SLC7A11: variants seen among roughly 807,000 people sequenced by gnomAD.
SLC7A11 encodes the protein solute carrier family 7 member 11, also known as cystine/glutamate transporter.
SLC7A11 carries 35 observed loss-of-function variants against 54.5 expected under a neutral mutation model. The observed-to-expected ratio is 0.64, with a 90% confidence interval of 0.49 to 0.85. The LOEUF is 0.85. Ranked by LOEUF, SLC7A11 falls within the 40% of genes least tolerant of loss-of-function variation. The probability of loss-of-function intolerance (pLI) is 0.00; values close to 1 mark genes in which losing one functional copy is unlikely to be tolerated. For synonymous variants in SLC7A11, 230 were observed against 225.2 expected (o/e 1.02, Z -0.19); for missense variants, 583 against 618.1 (o/e 0.94, Z 0.60).
intron 1 of SLC7A11, among the ~76,000 whole-genome samples, chr4:138,237,717 ATATATATATATATATATATATTTT>A (rs1274391932): frequency 4.7e-4 from 3 of 6,322 alleles, no homozygotes; most frequent in African/African-American, 1.4e-3. Flanking sequence ...ATATATATAT[ATATATATATATATATATATATTTT>A]TTTTTTTTTT....
intron 9 of SLC7A11, among the ~76,000 whole-genome samples, chr4:138,181,707 A>G (rs1186385082): frequency 6.6e-6 from 1 of 152,142 alleles, no homozygotes; most frequent in Non-Finnish European, 1.5e-5. Context: ...GGACTTTTAC[A>G]CCTCATACAG....
At chr4:138,177,484 T>C (rs977190811) in intron 11 of SLC7A11, 37 of 151,060 alleles carry the variant, frequency 2.4e-4, no homozygotes, top group African/African-American at 7.8e-4. Flanking sequence ...TCTCTCTCTC[T>C]CCGCCCCCCC....
At chr4:138,216,267 T>A (rs1258426547) in intron 5 of SLC7A11, among the ~76,000 whole-genome samples, 1 of 152,202 alleles carries the variant, frequency 6.6e-6, no homozygotes, top group Non-Finnish European at 1.5e-5. Context: ...TAGATTAGAT[T>A]TGACACAACA....
rs1345522813 is a variant in SLC7A11 at position 138,165,969 on chromosome 4, T to C, written c.*5987A>G. 2 of 152,216 alleles carry C rather than the reference T, an allele frequency of 1.3e-5. No homozygotes were observed. The highest frequency in any genetic ancestry group is 2.9e-5 in the Non-Finnish European group (2 of 68,022). 9.4% of individuals were successfully genotyped at this position (152,216 alleles called of 1,614,324 possible). ...TCTTCTTTCAGAGCAATAAGAAAGT[T>C]ATTTGGGGTAGTACTTGAAATAATT... On this transcript the variant is annotated 3_prime_UTR_variant, in exon 12 of 12. Transcript: ENST00000280612.
At chr4:138,206,097 G>T (rs997863799) in intron 6 of SLC7A11, among the ~76,000 whole-genome samples, 1 of 151,948 alleles carries the variant, frequency 6.6e-6, no homozygotes, top group African/African-American at 2.4e-5. Flanking sequence ...ATGAATTATT[G>T]CTGTGTAAAG....
intron 1 of SLC7A11, among the ~76,000 whole-genome samples, chr4:138,237,718 TA>T (rs1738252053): frequency 3.7e-4 from 3 of 8,138 alleles, no homozygotes; most frequent in Non-Finnish European, 5.1e-4. Context: ...TATATATATA[TA>T]TATATATATA....
At chr4:138,224,737 T>A (rs1737895916) in intron 3 of SLC7A11, among the ~76,000 whole-genome samples, 1 of 151,254 alleles carries the variant, frequency 6.6e-6, no homozygotes, top group Non-Finnish European at 1.5e-5. Context: ...CATGATATAT[T>A]ACTGATCAAT....
At chr4:138,232,230 G>A in intron 3 of SLC7A11, 37 bp downstream of exon 3, 1 of 1,322,934 alleles carries the variant, frequency 7.6e-7, no homozygotes, top group Non-Finnish European at 1.1e-6. Flanking sequence ...TTTTTGTGTT[G>A]TTTTTCCTTT....
intron 6 of SLC7A11, among the ~76,000 whole-genome samples, chr4:138,197,978 C>T (rs1197863258): frequency 1.3e-5 from 2 of 149,560 alleles, no homozygotes; most frequent in Non-Finnish European, 3.0e-5. Flanking sequence ...AAAGTATCAT[C>T]AATATAATAT....
At chr4:138,216,871 A>T (rs961101878) in intron 5 of SLC7A11, among the ~76,000 whole-genome samples, 3 of 152,120 alleles carry the variant, frequency 2.0e-5, no homozygotes, top group Admixed American at 2.0e-4. Flanking sequence ...ATTTACACTT[A>T]CCCACTGATA....
intron 11 of SLC7A11, chr4:138,178,303 G>C (rs1736632874): frequency 6.6e-6 from 1 of 152,082 alleles, no homozygotes; most frequent in African/African-American, 2.4e-5. Context: ...CCCTGCAAAG[G>C]ATATTAACTC....
In SLC7A11 at chr4:138,205,858, G is replaced by T. The variant is rs79541059; in HGVS notation, c.791+8727C>A. On this transcript the variant is annotated intron_variant, in intron 6 of 11. Transcript: ENST00000280612. ...GAAGGTATTTCTTTTCAGATAACAG[G>T]GTTCCAACTCTGGAATCTCTGGTGT... Among the ~76,000 whole-genome samples, 895 of 152,066 alleles carry T rather than the reference G, an allele frequency of 5.9e-3. 8 individuals carry two copies. The highest frequency in any genetic ancestry group is 0.021 in the African/African-American group (856 of 41,542).
At chr4:138,204,356 A>G (rs1323247477) in intron 6 of SLC7A11, among the ~76,000 whole-genome samples, 1 of 152,080 alleles carries the variant, frequency 6.6e-6, no homozygotes, top group Non-Finnish European at 1.5e-5. Flanking sequence ...TGCTACTTTT[A>G]CGCTGCAATC....
chr4:138,206,996 C>G (rs114111056), intron 6 of SLC7A11, among the ~76,000 whole-genome samples: 2,878 of 113,648 alleles, frequency 0.025, 60 homozygotes, highest in East Asian at 0.038. Flanking sequence ...TAAAGAAAAG[C>G]AAAAAAAAAA....
chr4:138,182,476 G>T, intron 8 of SLC7A11, 83 bp from the exon 9 acceptor site: 1 of 808,796 alleles, frequency 1.2e-6, no homozygotes, highest in Non-Finnish European at 2.1e-6. Context: ...GAGAAAACGT[G>T]CATCTTTTCA....
intron 6 of SLC7A11, among the ~76,000 whole-genome samples, chr4:138,190,888 A>G (rs1183949005): frequency 6.6e-6 from 1 of 152,020 alleles, no homozygotes; most frequent in African/African-American, 2.4e-5. Flanking sequence ...TGGACTACAG[A>G]TGACTGAGAG....
At chr4:138,236,236 G>GCATGT in intron 2 of SLC7A11, 89 bp downstream of exon 2, 1 of 1,038,320 alleles carries the variant, frequency 9.6e-7, no homozygotes, top group Non-Finnish European at 1.4e-6. Flanking sequence ...CACATGACAT[G>GCATGT]CATGTGTCTA....
chr4:138,225,173 A>AT (rs1266953642), intron 3 of SLC7A11, among the ~76,000 whole-genome samples: 10 of 111,090 alleles, frequency 9.0e-5, no homozygotes, highest in South Asian at 2.7e-4. Flanking sequence ...TATATATATA[A>AT]ATAAAATCAT....
chr4:138,232,193 A>T, intron 3 of SLC7A11, 74 bp downstream of exon 3: 1 of 1,021,478 alleles, frequency 9.8e-7, no homozygotes, highest in South Asian at 1.3e-5. Context: ...CAATGCAAAA[A>T]GTCTAAAGAC....
Sources: allele counts gnomAD v4.1 joint callset (sites outside exome capture counted in the v4.1 genomes callset), GRCh38; gene constraint gnomAD v4.1.1; transcripts MANE v1.5; gene names NCBI Gene and HGNC (gene_info 2026-07-23, HGNC 2026-07-21).